MLPH: variants seen among roughly 807,000 people sequenced by gnomAD.
MLPH encodes the protein melanophilin.
Under a neutral mutation model 72.1 loss-of-function variants are expected in MLPH, and 51 were observed. The observed-to-expected ratio is 0.71, with a 90% CI of 0.56 to 0.89. The LOEUF is 0.89. Among genes scored for constraint, MLPH ranks in the 40% least tolerant of loss-of-function variants. MLPH has a pLI of 0.00. For synonymous variants in MLPH, 301 were observed against 310.1 expected, an observed-to-expected ratio of 0.97 and a Z score of 0.31; for missense variants, 743 against 759.9, an observed-to-expected ratio of 0.98 and a Z score of 0.26.
chr2:237,493,523 G>C lies in MLPH; in HGVS notation c.97G>C (p.Glu33Gln). Reference protein sequence around the residue: ...QRDFDLRRKEEERLEALKGKI... With the variant: ...QRDFDLRRKEQERLEALKGKI... ...AGATTTTGACCTCCGAAGGAAAGAA[G>C]AGGAACGGCTAGAGTGAGTGTGCCG... The change falls in exon 2 of 16, where the codon GAG (glutamate) becomes CAG (glutamine). Residue 33 changes from glutamate to glutamine, a missense_variant. Coordinates refer to ENST00000264605, the MANE Select transcript of MLPH (RefSeq NM_024101.7). The C allele has an allele frequency of 6.2e-7, 1 of 1,613,668 alleles. No homozygotes were observed. Among genetic ancestry groups the C allele is most frequent in the Non-Finnish European group, 8.5e-7 (1 of 1,179,654 alleles).
At chr2:237,540,144 C>T (rs1021566848) in intron 9 of MLPH, among the ~76,000 whole-genome samples, 1 of 152,220 alleles carries the variant, frequency 6.6e-6, no homozygotes, top group African/African-American at 2.4e-5. Context: ...CCTGGGAACC[C>T]CCAGCCCTGC....
intron 13 of MLPH, among the ~76,000 whole-genome samples, chr2:237,548,560 AG>A (rs1171752164): frequency 6.6e-6 from 1 of 152,156 alleles, no homozygotes; most frequent in Non-Finnish European, 1.5e-5. Context: ...GAGGAGACCG[AG>A]GTTCAGAGAG....
At chr2:237,495,148 C>G (rs1398147022) in intron 2 of MLPH, among the ~76,000 whole-genome samples, 1 of 152,242 alleles carries the variant, frequency 6.6e-6, no homozygotes, top group African/African-American at 2.4e-5. Context: ...CCCTCCCTCC[C>G]TCACCTGTGC....
chr2:237,520,128 G>A, intron 6 of MLPH, 99 bp downstream of exon 6: 1 of 1,529,736 alleles, frequency 6.5e-7, no homozygotes. Context: ...AGCAGTGTCT[G>A]ATGGCCACAC....
intron 2 of MLPH, among the ~76,000 whole-genome samples, chr2:237,503,457 GAC>G: frequency 6.6e-6 from 1 of 152,190 alleles, no homozygotes; most frequent in South Asian, 2.1e-4. Flanking sequence ...GGTAATTCCC[GAC>G]ACGCGTTCCC....
At chr2:237,499,225 T>C (rs2079598426) in intron 2 of MLPH, among the ~76,000 whole-genome samples, 1 of 152,114 alleles carries the variant, frequency 6.6e-6, no homozygotes, top group Non-Finnish European at 1.5e-5. Context: ...AAGAAAAATA[T>C]ATACATAGCC....
intron 5 of MLPH, 145 bp from the exon 6 acceptor site, chr2:237,519,765 C>T: frequency 8.3e-7 from 1 of 1,199,064 alleles, no homozygotes; most frequent in Non-Finnish European, 1.2e-6. Context: ...AGGTTTGTTC[C>T]TAGTGGAGGG....
At position 237,540,342 on chromosome 2, in the gene MLPH, T is replaced by C. The variant is rs1250998819; in HGVS notation, c.1105-6T>C. 2 of 1,613,438 alleles carry C rather than the reference T, an allele frequency of 1.2e-6. No homozygotes were observed. The highest frequency in any genetic ancestry group is 3.3e-5 in the Admixed American group (2 of 60,008). On this transcript the variant is annotated splice_polypyrimidine_tract_variant and splice_region_variant and intron_variant, in intron 9 of 15. Transcript: ENST00000264605. ...CGAATCCAAATCCACTGGCCTGTTC[T>C]GTCAGGGTCTAGGTGCTGGAGTGCG...
In MLPH at chr2:237,493,477, T is replaced by C. The variant is rs2079469370; in HGVS notation, c.51T>C (p.His17=). 1 of 1,614,062 alleles carries C rather than the reference T, an allele frequency of 6.2e-7. No homozygotes were observed. The highest frequency in any genetic ancestry group is 8.5e-7 in the Non-Finnish European group (1 of 1,179,956). The change falls in exon 2 of 16, where the codon CAT becomes CAC. Residue 17 remains histidine (H), a synonymous_variant. Transcript: ENST00000264605. ...LSKLTDEEAQ[H]VLEVVQRDFD... is the part of the protein sequence containing the mutation. ...AGCTCACTGATGAAGAGGCCCAGCA[T>C]GTCTTGGAAGTTGTTCAACGAGATT...
intron 9 of MLPH, among the ~76,000 whole-genome samples, chr2:237,535,439 C>T (rs1463268397): frequency 6.6e-6 from 1 of 151,954 alleles, no homozygotes; most frequent in Non-Finnish European, 1.5e-5. Flanking sequence ...ACCGAGACAA[C>T]CTGATGGGGA....
At chr2:237,501,643 A>G (rs1324035048) in intron 2 of MLPH, among the ~76,000 whole-genome samples, 1 of 148,082 alleles carries the variant, frequency 6.8e-6, no homozygotes, top group Non-Finnish European at 1.5e-5. Flanking sequence ...CCTGGCTAAC[A>G]TAGTGAAACC....
intron 4 of MLPH, chr2:237,518,107 G>A (rs76980036): frequency 0.16 from 54,684 of 331,614 alleles, 5,558 homozygotes; most frequent in African/African-American, 0.34. Flanking sequence ...ATGAGTGGGT[G>A]GATGAAGGAG....
chr2:237,499,271 A>C (rs886878794), intron 2 of MLPH, among the ~76,000 whole-genome samples: 1 of 152,166 alleles, frequency 6.6e-6, no homozygotes, highest in Non-Finnish European at 1.5e-5. Context: ...CTAAGGCTGC[A>C]CTGTCCAGGA....
chr2:237,510,937 G>A lies in MLPH; in HGVS notation c.333-52G>A, dbSNP rs764198348. 2 of 1,531,980 alleles carry A rather than the reference G, an allele frequency of 1.3e-6. No homozygotes were observed. Among genetic ancestry groups the A allele is most frequent in the Admixed American group, 3.3e-5 (2 of 59,882 alleles). The allele number at this position is 1,531,980 out of a possible 1,614,324, so 94.9% of individuals were successfully genotyped here. A position where few individuals can be genotyped will look rare whatever the true frequency, so the allele number is the denominator to read the frequency against. On this transcript the variant is annotated intron_variant, in intron 3 of 15. Coordinates refer to ENST00000264605, the MANE Select transcript of MLPH (RefSeq NM_024101.7). The surrounding 1 kb of genome is among the most constrained non-coding windows in gnomAD (Gnocchi z 4.4). ...TGTGTGTGTGTGTGAGATTTATGCA[G>A]GCCTGTGTACAGCACTCAGGCAGTG... is the stretch of plus-strand genomic sequence containing the variant.
intron 8 of MLPH, 162 bp downstream of exon 8, chr2:237,527,678 G>A (rs1388346856): frequency 5.5e-6 from 5 of 915,512 alleles, no homozygotes; most frequent in Non-Finnish European, 8.3e-6. Flanking sequence ...TATTTTTTGT[G>A]GAAGTGAATT....
intron 6 of MLPH, among the ~76,000 whole-genome samples, chr2:237,524,827 CCCCTGG>C (rs1669453831): frequency 6.6e-6 from 1 of 152,210 alleles, no homozygotes; most frequent in Admixed American, 6.5e-5. Flanking sequence ...TTCCCAGCAT[CCCCTGG>C]GCACAGGCAG....
chr2:237,524,884 C>T (rs571889204), intron 6 of MLPH, among the ~76,000 whole-genome samples: 10 of 152,320 alleles, frequency 6.6e-5, no homozygotes, highest in South Asian at 2.1e-4. Flanking sequence ...CCACCCAGGC[C>T]GGTCTGAAGA....
At chr2:237,518,074 A>G (rs986463591) in intron 4 of MLPH, 3 of 268,448 alleles carry the variant, frequency 1.1e-5, no homozygotes, top group Non-Finnish European at 2.2e-5. Context: ...GATTGGGTAG[A>G]TGGATGTATA....
At chr2:237,498,475 G>A (rs1011110376) in intron 2 of MLPH, among the ~76,000 whole-genome samples, 1 of 152,174 alleles carries the variant, frequency 6.6e-6, no homozygotes, top group Non-Finnish European at 1.5e-5. Context: ...TGATATGCTG[G>A]AGGAAGGAGG....
Sources: gnomAD v4.1 joint callset for allele counts (sites outside exome capture counted in the v4.1 genomes callset) on GRCh38, gnomAD v4.1.1 for gene constraint, Gnocchi (gnomAD v3.1) non-coding constraint, MANE v1.5 for transcripts, NCBI Gene and HGNC (gene_info 2026-07-23, HGNC 2026-07-21) for gene names.